The following ANKRD31 variants were observed in gnomAD, a reference collection of about 807,000 sequenced individuals.
The protein encoded by ANKRD31 is ankyrin repeat domain-containing protein 31.
A neutral mutation model predicts 186.0 loss-of-function variants in ANKRD31; 147 were observed. The ratio of observed to expected loss-of-function variants is 0.79; its 90% CI spans 0.69 to 0.91. The LOEUF is 0.91. Ranked by LOEUF, ANKRD31 falls within the 40% of genes least tolerant of loss-of-function variation. The probability of loss-of-function intolerance (pLI) is 0.00; values close to 1 mark genes in which losing one functional copy is unlikely to be tolerated. For synonymous variants in ANKRD31, 673 were observed against 736.4 expected, an observed-to-expected ratio of 0.91 and a Z score of 1.39; for missense variants, 1,986 against 2,148.8, an observed-to-expected ratio of 0.92 and a Z score of 1.50.
At chr5:75,086,328 A>G (rs1296910946) in intron 23 of ANKRD31, among the ~76,000 whole-genome samples, 1 of 152,228 alleles carries the variant, frequency 6.6e-6, no homozygotes, top group Non-Finnish European at 1.5e-5. Flanking sequence ...CAGGTTAATG[A>G]ATAGACCTCA....
At chr5:75,098,590 G>A (rs1287436401) in intron 22 of ANKRD31, among the ~76,000 whole-genome samples, 2 of 152,040 alleles carry the variant, frequency 1.3e-5, no homozygotes, top group African/African-American at 4.8e-5. Context: ...ATTTGTTTGT[G>A]TCCTCTTTTA....
intron 23 of ANKRD31, among the ~76,000 whole-genome samples, chr5:75,085,679 G>A (rs1358475828): frequency 6.6e-6 from 1 of 152,118 alleles, no homozygotes; most frequent in African/African-American, 2.4e-5. Flanking sequence ...TGGGATTACA[G>A]GTGTGAGCCA....
rs1422539970 is a variant in ANKRD31 at position 75,236,755 on chromosome 5, T to C, written c.-69A>G. 16 of 1,214,430 alleles carry C rather than the reference T, an allele frequency of 1.3e-5. No individual in the cohort carries two copies. Among genetic ancestry groups the C allele is most frequent in the Non-Finnish European group, 1.7e-5 (15 of 877,624 alleles). The allele number at this position is 1,214,430 out of a possible 1,614,324, so 75.2% of individuals were successfully genotyped here. ...CTCTTGCCCGCAAACAAAAAAACGC[T>C]TTGAGGGCCAGGGGAAATTGTGAAT... On this transcript the variant is annotated 5_prime_UTR_variant, in exon 1 of 26. Transcript: ENST00000506364.
intron 16 of ANKRD31, among the ~76,000 whole-genome samples, chr5:75,138,396 A>T (rs993562971): frequency 6.6e-6 from 1 of 152,208 alleles, no homozygotes; most frequent in Non-Finnish European, 1.5e-5. Flanking sequence ...TCCCTGTGGA[A>T]TTCTTCAGAG....
At chr5:75,086,096 T>C (rs1403302829) in intron 23 of ANKRD31, among the ~76,000 whole-genome samples, 5 of 152,214 alleles carry the variant, frequency 3.3e-5, no homozygotes, top group Non-Finnish European at 1.5e-5. Context: ...GTATGTGTTA[T>C]GCCCTGACAA....
rs1747430860 is a variant in ANKRD31 at position 75,107,566 on chromosome 5, A to G, written c.4295T>C (p.Leu1432Pro). 2 of 1,532,968 alleles carry G rather than the reference A, an allele frequency of 1.3e-6. No homozygotes were observed. The highest frequency in any genetic ancestry group is 2.4e-5 in the South Asian group (2 of 83,458). 95.0% of individuals were successfully genotyped at this position (1,532,968 alleles called of 1,614,324 possible). A position where few individuals can be genotyped will look rare whatever the true frequency, so the allele number is the denominator to read the frequency against. Residue 1432 changes from leucine to proline, a missense_variant, in exon 21 of 26, where the codon CTT (leucine) becomes CCT (proline). Transcript: ENST00000506364. ...LKIKKIMDNV[L>P]AKQKAERDDL... is the part of the protein sequence containing the mutation. ...ATCCCTTTCTGCTTTCTGCTTGGCA[A>G]GCACATTATCCATAATCTTTTTTAT...
intron 10 of ANKRD31, among the ~76,000 whole-genome samples, chr5:75,182,211 T>G (rs1204849940): frequency 6.6e-6 from 1 of 152,170 alleles, no homozygotes; most frequent in African/African-American, 2.4e-5. Flanking sequence ...TCATTGCTGT[T>G]TAGGTTCTGG....
chr5:75,109,924 A>T (rs6862740), intron 20 of ANKRD31, among the ~76,000 whole-genome samples: 77,130 of 151,920 alleles, frequency 0.51, 22,643 homozygotes, highest in African/African-American at 0.82. Context: ...TGATGGACCA[A>T]AGAGAAATTT....
chr5:75,171,631 C>G (rs951127281), intron 10 of ANKRD31, among the ~76,000 whole-genome samples: 1 of 150,502 alleles, frequency 6.6e-6, no homozygotes, highest in Non-Finnish European at 1.5e-5. Context: ...AAACAAATAA[C>G]AAAGACAACT....
intron 22 of ANKRD31, among the ~76,000 whole-genome samples, chr5:75,096,459 G>A (rs1746326508): frequency 6.6e-6 from 1 of 152,092 alleles, no homozygotes; most frequent in Admixed American, 6.5e-5. Flanking sequence ...CGTTCTGTAG[G>A]TTGCCTGTTC....
chr5:75,074,827 G>C (rs1482428524), intron 25 of ANKRD31, among the ~76,000 whole-genome samples: 1 of 151,964 alleles, frequency 6.6e-6, no homozygotes, highest in Non-Finnish European at 1.5e-5. Flanking sequence ...TATTATATAA[G>C]AGCATTAAAA....
intron 22 of ANKRD31, among the ~76,000 whole-genome samples, 168 bp from the exon 23 acceptor site, chr5:75,091,569 T>C (rs907583293): frequency 6.6e-6 from 1 of 152,106 alleles, no homozygotes; most frequent in Non-Finnish European, 1.5e-5. Context: ...ATGCAGCAAA[T>C]GATGAACCAT....
rs1751396947 is a variant in ANKRD31 at position 75,145,901 on chromosome 5, C to T, written c.3424+86G>A. On this transcript the variant is annotated intron_variant, in intron 14 of 25. Transcript: ENST00000506364. ...TCCTCATTCTTCTCAGTTTGGCCAT[C>T]GTTTGAATACAATTCAGTTGGAAAT... The T allele has an allele frequency of 8.4e-6, 10 of 1,195,062 alleles. No individual in the cohort carries two copies. The African/African-American group carries it at 1.1e-4, about 13-fold the overall frequency. The allele number at this position is 1,195,062 out of a possible 1,614,324, so 74.0% of individuals were successfully genotyped here.
intron 4 of ANKRD31, 125 bp downstream of exon 4, chr5:75,210,703 C>T (rs1384258313): frequency 1.6e-6 from 1 of 628,370 alleles, no homozygotes; most frequent in East Asian, 3.2e-5. Context: ...ACTTTTGCTA[C>T]AAAATGGGCA....
chr5:75,137,481 A>G (rs1424773930), intron 17 of ANKRD31, among the ~76,000 whole-genome samples: 4 of 152,176 alleles, frequency 2.6e-5, no homozygotes, highest in African/African-American at 4.8e-5. Flanking sequence ...CCCCTAACCC[A>G]CTGAGAAATT....
chr5:75,222,251 G>C lies in ANKRD31; in HGVS notation c.286C>G (p.Gln96Glu), dbSNP rs1160127796. ...TATTCAATCAACATGCTACACACCT[G>C]TAATATTGTATCCTCGCTAAGAACA... ...MPVLSEDTIL[Q>E]SQDETERNQA... is the part of the protein sequence containing the mutation. Residue 96 changes from glutamine (Q) to glutamate (E), a missense_variant and splice_region_variant, in exon 3 of 26, where the codon CAG becomes GAG. By Grantham distance (29) the Gln-to-Glu change is conservative. Coordinates refer to ENST00000506364, the MANE Select transcript of ANKRD31 (RefSeq NM_001372053.1). The C allele has an allele frequency of 6.5e-7, 1 of 1,530,970 alleles. No homozygotes were observed. The highest frequency in any genetic ancestry group is 2.4e-5 in the East Asian group (1 of 40,826). The allele number at this position is 1,530,970 out of a possible 1,614,324, so 94.8% of individuals were successfully genotyped here.
intron 3 of ANKRD31, among the ~76,000 whole-genome samples, chr5:75,211,445 A>G (rs1756641052): frequency 6.6e-6 from 1 of 152,238 alleles, no homozygotes; most frequent in Non-Finnish European, 1.5e-5. Flanking sequence ...TGCTGCCATG[A>G]ACATGTGTGT....
At chr5:75,109,516 C>T (rs1033568668) in intron 20 of ANKRD31, among the ~76,000 whole-genome samples, 1 of 152,188 alleles carries the variant, frequency 6.6e-6, no homozygotes, top group Non-Finnish European at 1.5e-5. Flanking sequence ...AAAGGGTCTT[C>T]TCTTCTTTAC....
chr5:75,231,174 A>G (rs959553881), intron 1 of ANKRD31, among the ~76,000 whole-genome samples: 1 of 152,008 alleles, frequency 6.6e-6, no homozygotes, highest in Non-Finnish European at 1.5e-5. Context: ...GGCTCAAGAG[A>G]TCCTCCTGCC....
Sources: gnomAD v4.1 joint callset for allele counts (sites outside exome capture counted in the v4.1 genomes callset) on GRCh38, gnomAD v4.1.1 for gene constraint, MANE v1.5 for transcripts, NCBI Gene and HGNC (gene_info 2026-07-23, HGNC 2026-07-21) for gene names.